Variants in ZBTB32 observed in about 807,000 individuals in gnomAD.
The protein encoded by ZBTB32 is zinc finger and BTB domain-containing protein 32.
A neutral mutation model predicts 45.3 loss-of-function variants in ZBTB32; 28 were observed. The observed-to-expected ratio is 0.62, with a 90% CI of 0.46 to 0.85. The LOEUF (loss-of-function observed/expected upper bound fraction) is 0.85, where lower values mean the gene tolerates loss of function less well. Among genes scored for constraint, ZBTB32 ranks in the 40% least tolerant of loss-of-function variants. ZBTB32 has a pLI of 0.00. For missense variants in ZBTB32, 587 were observed against 624.4 expected, an observed-to-expected ratio of 0.94 and a Z score of 0.64; for synonymous variants, 283 against 255.7, an observed-to-expected ratio of 1.11 and a Z score of -1.02.
intron 1 of ZBTB32, among the ~76,000 whole-genome samples, chr19:35,708,180 A>G (rs1968596420): frequency 6.6e-6 from 1 of 152,046 alleles, no homozygotes; most frequent in Admixed American, 6.6e-5. Context: ...CTGCACATCC[A>G]AGCTCAGTCT....
In ZBTB32 at chr19:35,717,003, T is replaced by C. The variant is rs1309120881; in HGVS notation, c.*251T>C. The C allele has an allele frequency of 3.6e-6, 2 of 552,864 alleles. No individual in the cohort carries two copies. The highest frequency in any genetic ancestry group is 6.4e-6 in the Non-Finnish European group (2 of 311,282). 34.2% of individuals were successfully genotyped at this position (552,864 alleles called of 1,614,324 possible). On this transcript the variant is annotated 3_prime_UTR_variant, in exon 7 of 7. Coordinates refer to ENST00000392197, the MANE Select transcript of ZBTB32 (RefSeq NM_014383.3). ...ACAGTAGGGGAGATTGTCGATCTCA[T>C]CACCATAATAAAGAGTTTCCTGTGC...
rs1968931767 is a variant in ZBTB32, at chr19:35,716,872, C to G, written c.*120C>G. The G allele has an allele frequency of 8.0e-7, 1 of 1,247,716 alleles. No homozygotes were observed. The highest frequency in any genetic ancestry group is 1.5e-5 in the African/African-American group (1 of 66,252). 77.3% of individuals were successfully genotyped at this position (1,247,716 alleles called of 1,614,324 possible). ...AGCAAATTCCGCCCCAGAAGCGCCC[C>G]AGGAAGGGCGCCGAGTGCCCTCTCC... On this transcript the variant is annotated 3_prime_UTR_variant, in exon 7 of 7. Coordinates refer to ENST00000392197, the MANE Select transcript of ZBTB32 (RefSeq NM_014383.3).
Position 35,706,143 on chromosome 19 carries a change from G to A in ZBTB32, c.-222+1520G>A, listed in dbSNP as rs537091552. The stretch of plus-strand genomic sequence containing the variant: ...CTAGGGAGGCTGAGGCAGGAGAATC[G>A]CTTGTACCTGGGAGGCGGAGGTTGC... On this transcript the variant is annotated intron_variant, in intron 1 of 6. Coordinates refer to ENST00000392197, the MANE Select transcript of ZBTB32 (RefSeq NM_014383.3). Among the ~76,000 whole-genome samples the A allele has an allele frequency of 1.5e-4, 22 of 147,052 alleles. 1 individual carries two copies. In the South Asian group the frequency reaches 2.4e-3, roughly 16 times the overall value.
chr19:35,710,434 G>A (rs916424610), intron 1 of ZBTB32, among the ~76,000 whole-genome samples: 3 of 151,954 alleles, frequency 2.0e-5, no homozygotes, highest in African/African-American at 7.3e-5. Flanking sequence ...GGAAGAGGAA[G>A]GGGGGGCAAG....
chr19:35,716,313 C>T lies in ZBTB32; in HGVS notation c.1189+16C>T. 2 of 1,613,092 alleles carry T rather than the reference C, an allele frequency of 1.2e-6. No homozygotes were observed. Among genetic ancestry groups the T allele is most frequent in the Non-Finnish European group, 1.7e-6 (2 of 1,179,444 alleles). On this transcript the variant is annotated intron_variant, in intron 6 of 6. Coordinates refer to ENST00000392197, the MANE Select transcript of ZBTB32 (RefSeq NM_014383.3). ...GTCCACACAGGTATGGGCGCCCTGC[C>T]CTGTGTGAACTGTCGGCTTTCTTCC...
chr19:35,715,676 G>A, intron 3 of ZBTB32, 81 bp from the exon 4 acceptor site: 1 of 1,507,474 alleles, frequency 6.6e-7, no homozygotes, highest in South Asian at 1.2e-5. Flanking sequence ...CCCGGGGGAG[G>A]ACTTGGGATA....
In ZBTB32 at chr19:35,706,210, A is replaced by G. The variant is rs185368288; in HGVS notation, c.-222+1587A>G. Among the ~76,000 whole-genome samples, 578 of 146,102 alleles carry G rather than the reference A, an allele frequency of 4.0e-3. 3 individuals carry two copies. Among genetic ancestry groups the G allele is most frequent in the Admixed American group, 7.9e-3 (115 of 14,630 alleles). On this transcript the variant is annotated intron_variant, in intron 1 of 6. Transcript: ENST00000392197. Reference sequence around the variant, plus strand: ...GCCATTGCACTCCAGCCTGGGCAACAAGAGCGAAACTCCATCTCAAAAAAA... The same window carrying G: ...GCCATTGCACTCCAGCCTGGGCAACGAGAGCGAAACTCCATCTCAAAAAAA...
At chr19:35,707,373 T>C (rs1441947079) in intron 1 of ZBTB32, among the ~76,000 whole-genome samples, 2 of 148,218 alleles carry the variant, frequency 1.3e-5, no homozygotes, top group African/African-American at 2.5e-5. Flanking sequence ...CATTTTCTTT[T>C]TTTTTTTTTT....
At chr19:35,710,937 A>AT (rs1295733934) in intron 1 of ZBTB32, among the ~76,000 whole-genome samples, 3 of 152,098 alleles carry the variant, frequency 2.0e-5, no homozygotes, top group Non-Finnish European at 4.4e-5. Context: ...CCTGGAGATA[A>AT]TTCTAGGAGG....
At position 35,715,226 on chromosome 19, in the gene ZBTB32, T is replaced by C; in HGVS notation, c.600T>C (p.Val200=). The C allele has an allele frequency of 3.1e-6, 5 of 1,604,596 alleles. No homozygotes were observed. The highest frequency in any genetic ancestry group is 4.2e-6 in the Non-Finnish European group (5 of 1,177,250). The change falls in exon 3 of 7, where the codon GTT becomes GTC. Residue 200 remains valine, a synonymous_variant. Transcript: ENST00000392197. ...RSKEKRLQAP[V]GQRGADGKHG... The stretch of plus-strand genomic sequence containing the variant: ...AGGAGAAACGCCTCCAAGCCCCTGT[T>C]GGCCAAAGGGGAGCAGATGGGAAGC...
In ZBTB32 at chr19:35,715,803, C is replaced by G; in HGVS notation, c.928C>G (p.Gln310Glu). ...CCCCAAAGGGCTCTGGAGCCAGAAC[C>G]AGTTGGCCTCCTCCAGCCCTACCCC... ...NAPKGLWSQN[Q>E]LASSSPTPGS... The change falls in exon 4 of 7, where the codon CAG becomes GAG. Residue 310 changes from glutamine to glutamate, a missense_variant. Transcript: ENST00000392197. 1 of 1,613,808 alleles carries G rather than the reference C, an allele frequency of 6.2e-7. No individual in the cohort carries two copies. Among genetic ancestry groups the G allele is most frequent in the Non-Finnish European group, 8.5e-7 (1 of 1,179,916 alleles).
In ZBTB32 at chr19:35,712,052, A is replaced by AAG. The variant is rs1420122575; in HGVS notation, c.-221-865_-221-864insAG. 8.6e-3 allele frequency among the ~76,000 whole-genome samples: 1,211 copies of AAG among 141,440 alleles called. 29 individuals carry two copies. Among genetic ancestry groups the AAG allele is most frequent in the South Asian group, 0.017 (78 of 4,578 alleles). 92.8% of individuals were successfully genotyped at this position (141,440 alleles called of 152,430 possible). ...AAAAAAAAAAAAAAAAAAAAAAAAA[A>AAG]GAGAAGCCTATGGGGAAGCCGACTG... On this transcript the variant is annotated intron_variant, in intron 1 of 6. Transcript: ENST00000392197.
At chr19:35,711,127 G>C (rs548817081) in intron 1 of ZBTB32, among the ~76,000 whole-genome samples, 1 of 152,088 alleles carries the variant, frequency 6.6e-6, no homozygotes, top group Non-Finnish European at 1.5e-5. Context: ...CAACTCTCTC[G>C]ATCATCAATG....
chr19:35,710,730 G>A (rs1391341924), intron 1 of ZBTB32, among the ~76,000 whole-genome samples: 2 of 152,168 alleles, frequency 1.3e-5, no homozygotes, highest in South Asian at 2.1e-4. Context: ...TCCAGCTTGG[G>A]TGACAGAACA....
chr19:35,711,982 G>C (rs190007029), intron 1 of ZBTB32, among the ~76,000 whole-genome samples: 1,573 of 127,328 alleles, frequency 0.012, 28 homozygotes, highest in African/African-American at 0.045. Context: ...CTGAGATTGC[G>C]CCACTGCACT....
At chr19:35,715,541 C>A (rs1425276165) in intron 3 of ZBTB32, 34 bp downstream of exon 3, 3 of 1,513,162 alleles carry the variant, frequency 2.0e-6, no homozygotes, top group African/African-American at 1.4e-5. Context: ...TGCCTCCAGG[C>A]TGGGAGGGCA....
At chr19:35,705,961 G>T (rs547907714) in intron 1 of ZBTB32, among the ~76,000 whole-genome samples, 1 of 151,026 alleles carries the variant, frequency 6.6e-6, no homozygotes, top group East Asian at 1.9e-4. Context: ...AGGCGTGGGG[G>T]CTCACATCTA....
chr19:35,714,431 A>G, intron 2 of ZBTB32, 92 bp from the exon 3 acceptor site: 1 of 525,726 alleles, frequency 1.9e-6, no homozygotes, highest in East Asian at 3.2e-5. Flanking sequence ...GATAAGCTCC[A>G]ATCCTCTCTT....
At chr19:35,714,324 T>C (rs920573022) in intron 2 of ZBTB32, 199 bp from the exon 3 acceptor site, 4 of 272,838 alleles carry the variant, frequency 1.5e-5, no homozygotes, top group African/African-American at 4.4e-5. Context: ...AACCCACTAC[T>C]AGATATTTCT....
Sources: allele counts gnomAD v4.1 joint callset (sites outside exome capture counted in the v4.1 genomes callset), GRCh38; gene constraint gnomAD v4.1.1; transcripts MANE v1.5; gene names NCBI Gene and HGNC (gene_info 2026-07-23, HGNC 2026-07-21).